SYT5: variants seen among roughly 807,000 people sequenced by gnomAD.
SYT5 encodes synaptotagmin-5.
In SYT5, 29 loss-of-function variants were observed where a neutral mutation model predicts 36.0. The ratio of observed to expected loss-of-function variants is 0.81; its 90% CI spans 0.60 to 1.10. The LOEUF is 1.10. Ranked by LOEUF, SYT5 falls within the 50% of genes least tolerant of loss-of-function variation. The pLI is 0.00. For missense variants in SYT5, 512 were observed against 516.0 expected (o/e 0.99, Z 0.08); for synonymous variants, 231 against 227.6 (o/e 1.02, Z -0.14).
intron 8 of SYT5, 147 bp downstream of exon 8, chr19:55,174,370 C>T: frequency 9.1e-7 from 1 of 1,098,996 alleles, no homozygotes; most frequent in Non-Finnish European, 1.3e-6. Flanking sequence ...AAGAGGCTTC[C>T]TGGTCCTCAT....
intron 3 of SYT5, 30 bp downstream of exon 3, chr19:55,178,166 G>A: frequency 2.5e-6 from 4 of 1,600,250 alleles, no homozygotes; most frequent in Middle Eastern, 1.8e-4. Context: ...GCGGGAAGGG[G>A]CCAGGTGGAG....
chr19:55,179,309 C>T lies in SYT5; in HGVS notation c.-45-223G>A. 1.5e-6 allele frequency: 2 copies of T among 1,302,406 alleles called. No homozygotes were observed. The highest frequency in any genetic ancestry group is 3.7e-5 in the South Asian group (2 of 54,688). The allele number at this position is 1,302,406 out of a possible 1,614,324, so 80.7% of individuals were successfully genotyped here. A position where few individuals can be genotyped will look rare whatever the true frequency, so the allele number is the denominator to read the frequency against. On this transcript the variant is annotated intron_variant, in intron 1 of 8. Coordinates refer to ENST00000354308, the MANE Select transcript of SYT5 (RefSeq NM_003180.3). This position sits in a 1 kb window ranked among gnomAD's most constrained non-coding sequence, Gnocchi z 4.5. ...CTTCCTCCACGGCCCCACAGGCATC[C>T]CGCTGACTTCTGCCTCGTCCTCGCC... is the stretch of plus-strand genomic sequence containing the variant.
rs752953389 is a variant in SYT5, at chr19:55,175,698, C to A, written c.540+11G>T. On this transcript the variant is annotated intron_variant, in intron 5 of 8. Transcript: ENST00000354308. This position sits in a 1 kb window ranked among gnomAD's most constrained non-coding sequence, Gnocchi z 4.5. ...GGCTATGGAACACGGGGCCTGAAGG[C>A]AGGAGCTCACCTTGAAGGCGAAGGT... is the stretch of plus-strand genomic sequence containing the variant. 6.3e-5 allele frequency: 101 copies of A among 1,612,124 alleles called. No homozygotes were observed. Among genetic ancestry groups the A allele is most frequent in the Admixed American group, 2.0e-4 (12 of 59,968 alleles).
Position 55,175,934 on chromosome 19 carries a change from A to G in SYT5, c.373-58T>C. On this transcript the variant is annotated intron_variant, in intron 4 of 8. Transcript: ENST00000354308. This position sits in a 1 kb window ranked among gnomAD's most constrained non-coding sequence, Gnocchi z 4.5. ...GAACACTAGTCTTAGCCTCCCTTCC[A>G]TGGCTCCTTTCAGAAGGGGTTGGAA... 1 of 1,613,246 alleles carries G rather than the reference A, an allele frequency of 6.2e-7. No homozygotes were observed.
chr19:55,172,156 C>T lies in SYT5; in HGVS notation c.*1328G>A, dbSNP rs1312495718. On this transcript the variant is annotated 3_prime_UTR_variant, in exon 9 of 9. Transcript: ENST00000354308. ...AGAAGAAGGGCCGGGCGCGGTGGCT[C>T]ACGCCTGTAATCCTAGCACATTGGG... 2.6e-5 allele frequency: 4 copies of T among 152,230 alleles called. No individual in the cohort carries two copies. Among genetic ancestry groups the T allele is most frequent in the East Asian group, 3.9e-4 (2 of 5,180 alleles). 9.4% of individuals were successfully genotyped at this position (152,230 alleles called of 1,614,324 possible). A position where few individuals can be genotyped will look rare whatever the true frequency, so the allele number is the denominator to read the frequency against.
intron 3 of SYT5, chr19:55,177,583 A>G (rs1375117871): frequency 6.6e-6 from 1 of 152,160 alleles, no homozygotes; most frequent in South Asian, 2.1e-4. Context: ...TTATTTATCT[A>G]TTTATTGGAG....
chr19:55,178,840 G>T, intron 2 of SYT5, 123 bp downstream of exon 2: 2 of 952,764 alleles, frequency 2.1e-6, no homozygotes, highest in South Asian at 2.7e-5. Context: ...CCAGGATGAC[G>T]ACCCGGGATC....
At position 55,174,963 on chromosome 19, in the gene SYT5, A is replaced by G. The variant is rs2086055242; in HGVS notation, c.745T>C (p.Tyr249His). 6.2e-7 allele frequency: 1 copy of G among 1,614,108 alleles called. No homozygotes were observed. Among genetic ancestry groups the G allele is most frequent in the East Asian group, 2.2e-5 (1 of 44,868 alleles). ...KLGDICFSLR[Y>H]VPTAGKLTVI... is the part of the protein sequence containing the mutation. ...GTGAGCTTCCCGGCCGTGGGGACAT[A>G]GCGGAGGGAGAAGCAGATGTCCCCA... The change falls in exon 7 of 9, where the codon TAT becomes CAT. Residue 249 changes from tyrosine to histidine, a missense_variant. Transcript: ENST00000354308.
rs2086022896 is a variant in SYT5, at chr19:55,173,171, A to G, written c.*313T>C. On this transcript the variant is annotated 3_prime_UTR_variant, in exon 9 of 9. Coordinates refer to ENST00000354308, the MANE Select transcript of SYT5 (RefSeq NM_003180.3). The surrounding 1 kb of genome is among the most constrained non-coding windows in gnomAD (Gnocchi z 5.4). ...GCTGTGTTGGAAGAGAGAGGAGAGC[A>G]GACGAGGATGGCTGATTGTCAAAGC... 1 of 314,976 alleles carries G rather than the reference A, an allele frequency of 3.2e-6. No homozygotes were observed. The highest frequency in any genetic ancestry group is 5.8e-6 in the Non-Finnish European group (1 of 172,242). 19.5% of individuals were successfully genotyped at this position (314,976 alleles called of 1,614,324 possible). A position where few individuals can be genotyped will look rare whatever the true frequency, so the allele number is the denominator to read the frequency against.
chr19:55,178,872 C>G, intron 2 of SYT5, 91 bp downstream of exon 2: 1 of 1,327,646 alleles, frequency 7.5e-7, no homozygotes, highest in Non-Finnish European at 9.6e-7. Context: ...TTCCAGCCCG[C>G]CTGCCCGAGT....
Position 55,173,605 on chromosome 19 carries a change from G to GC in SYT5, c.1039dup (p.Ala347GlyfsTer56). On this transcript the variant is annotated frameshift_variant, in exon 9 of 9. Transcript: ENST00000354308. LOFTEE classifies it low-confidence loss of function (END_TRUNC). This position sits in a 1 kb window ranked among gnomAD's most constrained non-coding sequence, Gnocchi z 5.4. ...CCGCAGGCCAGCCCCGCCGGCGGCC[G>GC]CCCCCACGGCCACCCTCCCGATGGC... 6.7e-7 allele frequency: 1 copy of GC among 1,483,752 alleles called. No homozygotes were observed. Among genetic ancestry groups the GC allele is most frequent in the Admixed American group, 2.5e-5 (1 of 40,012 alleles). 91.9% of individuals were successfully genotyped at this position (1,483,752 alleles called of 1,614,324 possible).
chr19:55,176,262 T>A, intron 3 of SYT5, 138 bp from the exon 4 acceptor site: 1 of 1,164,808 alleles, frequency 8.6e-7, no homozygotes, highest in Non-Finnish European at 1.2e-6. Flanking sequence ...AGTATTTGAC[T>A]AGTGCTGTCT....
In SYT5 at chr19:55,173,774, C is replaced by T. The variant is rs2086033089; in HGVS notation, c.961-90G>A. The T allele has an allele frequency of 1.3e-5, 17 of 1,264,106 alleles. No homozygotes were observed. The highest frequency in any genetic ancestry group is 3.1e-5 in the African/African-American group (2 of 64,220). 78.3% of individuals were successfully genotyped at this position (1,264,106 alleles called of 1,614,324 possible). A position where few individuals can be genotyped will look rare whatever the true frequency, so the allele number is the denominator to read the frequency against. On this transcript the variant is annotated intron_variant, in intron 8 of 8. Transcript: ENST00000354308. The surrounding 1 kb of genome is among the most constrained non-coding windows in gnomAD (Gnocchi z 5.4). ...TGTCCGTTTTCACGGCTGAGGGTAC[C>T]TCTCGCTGCCACCCGAGGGCTCGGG...
In SYT5 at chr19:55,179,380, A is replaced by C. The variant is rs1431827082; in HGVS notation, c.-45-294T>G. 1 of 661,586 alleles carries C rather than the reference A, an allele frequency of 1.5e-6. No individual in the cohort carries two copies. The highest frequency in any genetic ancestry group is 3.4e-5 in the East Asian group (1 of 29,306). 41.0% of individuals were successfully genotyped at this position (661,586 alleles called of 1,614,324 possible). A position where few individuals can be genotyped will look rare whatever the true frequency, so the allele number is the denominator to read the frequency against. The stretch of plus-strand genomic sequence containing the variant: ...GAAGCGGGCGAAGGCAGACGTGGGA[A>C]CCAGCAGACCGCGTTGCCCAGAGCA... On this transcript the variant is annotated intron_variant, in intron 1 of 8. Coordinates refer to ENST00000354308, the MANE Select transcript of SYT5 (RefSeq NM_003180.3). This position sits in a 1 kb window ranked among gnomAD's most constrained non-coding sequence, Gnocchi z 4.5.
Position 55,179,508 on chromosome 19 carries a change from C to G in SYT5, c.-45-422G>C, listed in dbSNP as rs921304613. On this transcript the variant is annotated intron_variant, in intron 1 of 8. Coordinates refer to ENST00000354308, the MANE Select transcript of SYT5 (RefSeq NM_003180.3). The surrounding 1 kb of genome is among the most constrained non-coding windows in gnomAD (Gnocchi z 4.5). ...GGGCTGACGCACAGACGCGGAGTCC[C>G]GGCGGGGCAGGCTCGCTCCGGGGCC... The G allele has an allele frequency of 1.1e-5, 3 of 282,526 alleles. No homozygotes were observed. The highest frequency in any genetic ancestry group is 6.5e-5 in the African/African-American group (3 of 45,810). The allele number at this position is 282,526 out of a possible 1,614,324, so 17.5% of individuals were successfully genotyped here.
rs772148767 is a variant in SYT5 at position 55,175,385 on chromosome 19, T to G, written c.541-46A>C. ...GCAGTAGAGAGCAGGAAGTCAGAGA[T>G]AGGGTGAGGCACAGCACAACCAGAA... On this transcript the variant is annotated intron_variant, in intron 5 of 8. Transcript: ENST00000354308. The surrounding 1 kb of genome is among the most constrained non-coding windows in gnomAD (Gnocchi z 4.5). 1.3e-6 allele frequency: 2 copies of G among 1,491,460 alleles called. No homozygotes were observed. The highest frequency in any genetic ancestry group is 1.8e-6 in the Non-Finnish European group (2 of 1,126,300). 92.4% of individuals were successfully genotyped at this position (1,491,460 alleles called of 1,614,324 possible).
At position 55,175,443 on chromosome 19, in the gene SYT5, G is replaced by A. The variant is rs190587549; in HGVS notation, c.541-104C>T. ...ATGGAGTGAGGCAGCGAGGGTCGAAGCGAACAGTTGGGGGAACTCAAATGG... is the reference window on the plus strand; with the variant it reads ...ATGGAGTGAGGCAGCGAGGGTCGAAACGAACAGTTGGGGGAACTCAAATGG... On this transcript the variant is annotated intron_variant, in intron 5 of 8. Coordinates refer to ENST00000354308, the MANE Select transcript of SYT5 (RefSeq NM_003180.3). The surrounding 1 kb of genome is among the most constrained non-coding windows in gnomAD (Gnocchi z 4.5). 6.4e-4 allele frequency: 828 copies of A among 1,295,224 alleles called. 2 individuals carry two copies. The African/African-American group carries it at 9.9e-3, about 15-fold the overall frequency. 80.2% of individuals were successfully genotyped at this position (1,295,224 alleles called of 1,614,324 possible).
At position 55,179,113 on chromosome 19, in the gene SYT5, T is replaced by C. The variant is rs1397839472; in HGVS notation, c.-45-27A>G. On this transcript the variant is annotated intron_variant, in intron 1 of 8. Coordinates refer to ENST00000354308, the MANE Select transcript of SYT5 (RefSeq NM_003180.3). The surrounding 1 kb of genome is among the most constrained non-coding windows in gnomAD (Gnocchi z 4.5). ...TAGTCCCCCATTCCCACCCCAGACG[T>C]CCTTTGAGCCCCACGCACAACAAAG... 2 of 1,547,942 alleles carry C rather than the reference T, an allele frequency of 1.3e-6. No individual in the cohort carries two copies. The highest frequency in any genetic ancestry group is 1.4e-5 in the African/African-American group (1 of 73,272).
Position 55,174,958 on chromosome 19 carries a change from G to A in SYT5, c.750C>T (p.Val250=). 1 of 1,614,144 alleles carries A rather than the reference G, an allele frequency of 6.2e-7. No individual in the cohort carries two copies. Among genetic ancestry groups the A allele is most frequent in the Non-Finnish European group, 8.5e-7 (1 of 1,180,026 alleles). ...TGACGGTGAGCTTCCCGGCCGTGGGGACATAGCGGAGGGAGAAGCAGATGT... is the reference window on the plus strand; with the variant it reads ...TGACGGTGAGCTTCCCGGCCGTGGGAACATAGCGGAGGGAGAAGCAGATGT... ...LGDICFSLRY[V]PTAGKLTVIV... is the part of the protein sequence containing the mutation. Residue 250 remains valine, a synonymous_variant, in exon 7 of 9, where the codon GTC becomes GTT. Coordinates refer to ENST00000354308, the MANE Select transcript of SYT5 (RefSeq NM_003180.3).
Sources: gnomAD v4.1 joint callset for allele counts on GRCh38, gnomAD v4.1.1 for gene constraint, Gnocchi (gnomAD v3.1) non-coding constraint, MANE v1.5 for transcripts, NCBI Gene and HGNC (gene_info 2026-07-23, HGNC 2026-07-21) for gene names.